MYH15: variants seen among roughly 807,000 people sequenced by gnomAD.
MYH15 encodes myosin-15.
Under a neutral mutation model 240.5 loss-of-function variants are expected in MYH15, and 227 were observed. The ratio of observed to expected loss-of-function variants is 0.94; its 90% confidence interval spans 0.85 to 1.05. The LOEUF (loss-of-function observed/expected upper bound fraction) is 1.05. Among genes scored for constraint, MYH15 ranks in the 50% least tolerant of loss-of-function variants. MYH15 has a pLI of 0.00. For synonymous variants in MYH15, 785 were observed against 796.7 expected, an observed-to-expected ratio of 0.99 and a Z score of 0.25; for missense variants, 2,217 against 2,247.5, an observed-to-expected ratio of 0.99 and a Z score of 0.27.
chr3:108,517,648 A>G (rs980661234), intron 1 of MYH15, among the ~76,000 whole-genome samples: 4 of 150,828 alleles, frequency 2.7e-5, no homozygotes, highest in African/African-American at 9.8e-5. Context: ...TTGTATTTTT[A>G]GTAGGAATGG....
intron 11 of MYH15, 53 bp downstream of exon 11, chr3:108,485,038 G>C: frequency 6.3e-7 from 1 of 1,586,792 alleles, no homozygotes; most frequent in Non-Finnish European, 8.6e-7. Context: ...AAGGGGAGCA[G>C]GCTTGGGCCC....
At chr3:108,548,533 T>A in the MYH15 span, among the ~76,000 whole-genome samples, 1 of 152,136 alleles carries the variant, frequency 6.6e-6, no homozygotes, top group Non-Finnish European at 1.5e-5. Flanking sequence ...GTTGAGTTGT[T>A]GTGACAGAAA....
chr3:108,476,884 G>C (rs1409850411), intron 11 of MYH15, among the ~76,000 whole-genome samples: 1 of 152,112 alleles, frequency 6.6e-6, no homozygotes. Flanking sequence ...ATGCAAAATG[G>C]TGTGTATTTG....
chr3:108,508,503 T>C (rs949279202), intron 1 of MYH15, among the ~76,000 whole-genome samples: 2 of 152,236 alleles, frequency 1.3e-5, no homozygotes, highest in Non-Finnish European at 2.9e-5. Flanking sequence ...TATTCTCATC[T>C]GTAAAGTAGG....
chr3:108,546,353 TTGAGA>T, the MYH15 span, among the ~76,000 whole-genome samples: 1 of 152,184 alleles, frequency 6.6e-6, no homozygotes, highest in Non-Finnish European at 1.5e-5. Flanking sequence ...TTTTGGCTCT[TTGAGA>T]TAAGTGAGAT....
chr3:108,513,040 C>A (rs2083533044), upstream of MYH15, among the ~76,000 whole-genome samples: 1 of 152,128 alleles, frequency 6.6e-6, no homozygotes, highest in Non-Finnish European at 1.5e-5. Flanking sequence ...TCCAGTTGCA[C>A]ATATGGCTTT....
At chr3:108,419,721 T>C (rs924828316) in intron 28 of MYH15, among the ~76,000 whole-genome samples, 7 of 152,384 alleles carry the variant, frequency 4.6e-5, no homozygotes, top group Non-Finnish European at 7.3e-5. Flanking sequence ...TCCAGGTTTT[T>C]AGTTTTATCA....
Position 108,464,723 on chromosome 3 carries a change from A to C in MYH15, c.1646T>G (p.Phe549Cys), listed in dbSNP as rs2083100332. ...CTTCTGGAGATGAACCGACTTTCCA[A>C]AATGGTTGTCAAAGAGTTTGGTCTT... ...TFKTKLFDNH[F>C]GKSVHLQKPK... The change falls in exon 15 of 41, where the codon TTT becomes TGT. Residue 549 changes from phenylalanine (F) to cysteine (C), a missense_variant. Coordinates refer to ENST00000693548, the MANE Select transcript of MYH15 (RefSeq NM_014981.3). The C allele has an allele frequency of 2.5e-6, 4 of 1,613,936 alleles. No individual in the cohort carries two copies. Among genetic ancestry groups the C allele is most frequent in the Non-Finnish European group, 3.4e-6 (4 of 1,179,870 alleles).
At chr3:108,436,492 T>A (rs985391264) in intron 25 of MYH15, among the ~76,000 whole-genome samples, 1 of 152,220 alleles carries the variant, frequency 6.6e-6, no homozygotes, top group Non-Finnish European at 1.5e-5. Flanking sequence ...GTCACTGGAC[T>A]CTCTTCCCTC....
chr3:108,499,365 G>A (rs541152973), intron 5 of MYH15, 90 bp downstream of exon 5: 91 of 1,319,852 alleles, frequency 6.9e-5, no homozygotes, highest in African/African-American at 2.5e-4. Flanking sequence ...CAAAGATGGC[G>A]AATCAAAGTT....
intron 11 of MYH15, among the ~76,000 whole-genome samples, chr3:108,480,357 G>C (rs779010282): frequency 6.6e-6 from 1 of 152,202 alleles, no homozygotes; most frequent in Non-Finnish European, 1.5e-5. Flanking sequence ...TTGTAACCCA[G>C]AGGGACTGGA....
At chr3:108,477,083 CT>C (rs879911080) in intron 11 of MYH15, among the ~76,000 whole-genome samples, 4 of 152,136 alleles carry the variant, frequency 2.6e-5, no homozygotes, top group Admixed American at 2.6e-4. Flanking sequence ...ATGTCCATCA[CT>C]GATGAATGGA....
rs1185139785 is a variant in MYH15 at position 108,437,538 on chromosome 3, C to T, written c.3221+16G>A. The T allele has an allele frequency of 1.2e-6, 2 of 1,608,272 alleles. No homozygotes were observed. The highest frequency in any genetic ancestry group is 2.7e-5 in the African/African-American group (2 of 74,646). On this transcript the variant is annotated intron_variant, in intron 25 of 40. Transcript: ENST00000693548. ...AAGGTCTCCAGCAATCTCATGTCAA[C>T]AGAAAGGTGGCTTACTTCCTCAGCT...
At chr3:108,488,019 T>G (rs78134103) in intron 9 of MYH15, among the ~76,000 whole-genome samples, 2 of 152,188 alleles carry the variant, frequency 1.3e-5, no homozygotes, top group Admixed American at 1.3e-4. Flanking sequence ...ATGTATACAT[T>G]GTGGAATGGC....
intron 25 of MYH15, among the ~76,000 whole-genome samples, chr3:108,436,456 A>G (rs975818395): frequency 1.3e-5 from 2 of 152,238 alleles, no homozygotes; most frequent in African/African-American, 4.8e-5. Flanking sequence ...GTATATACCA[A>G]CAAGAAAGCC....
At chr3:108,455,936 G>A (rs2083016213) in intron 19 of MYH15, 77 bp from the exon 20 acceptor site, 5 of 1,406,736 alleles carry the variant, frequency 3.6e-6, no homozygotes, top group Non-Finnish European at 4.9e-6. Context: ...GACAAATGAG[G>A]TGAAAGGAGA....
rs1240335586 is a variant in MYH15 at position 108,410,603 on chromosome 3, C to A, written c.4475G>T (p.Arg1492Met). The A allele has an allele frequency of 6.3e-7, 1 of 1,597,162 alleles. No homozygotes were observed. Among genetic ancestry groups the A allele is most frequent in the East Asian group, 2.3e-5 (1 of 44,408 alleles). The change falls in exon 31 of 41, where the codon AGG (arginine) becomes ATG (methionine). Residue 1492 changes from arginine to methionine, a missense_variant. Arg to Met is a moderately conservative substitution (Grantham distance 91). Coordinates refer to ENST00000693548, the MANE Select transcript of MYH15 (RefSeq NM_014981.3). ...ESIVGQETLRRENKNLQEEIS... is the reference protein window; with the variant it reads ...ESIVGQETLRMENKNLQEEIS... ...TGTACCTTGGAGGTTCTTGTTCTCC[C>A]TCCTGAGTGTCTCCTGGCCCACGAT...
intron 29 of MYH15, 80 bp from the exon 30 acceptor site, chr3:108,414,508 T>TA (rs2082619445): frequency 2.4e-6 from 3 of 1,276,526 alleles, no homozygotes; most frequent in East Asian, 2.5e-5. Context: ...ATTTTTTTTT[T>TA]AGGTAAGATT....
intron 14 of MYH15, among the ~76,000 whole-genome samples, chr3:108,466,355 C>T (rs1030323825): frequency 1.3e-5 from 2 of 152,170 alleles, no homozygotes; most frequent in African/African-American, 4.8e-5. Context: ...AAATCCTTTA[C>T]TTGACTGCAA....
Sources: gnomAD v4.1 joint callset for allele counts (sites outside exome capture counted in the v4.1 genomes callset) on GRCh38, gnomAD v4.1.1 for gene constraint, MANE v1.5 for transcripts, NCBI Gene and HGNC (gene_info 2026-07-23, HGNC 2026-07-21) for gene names.